The following FNTA variants were observed in gnomAD, a reference collection of about 807,000 sequenced individuals.
FNTA encodes the protein protein farnesyltransferase/geranylgeranyltransferase type-1 subunit alpha.
FNTA carries 27 observed loss-of-function variants against 55.2 expected under a neutral mutation model. The observed-to-expected ratio is 0.49, with a 90% CI of 0.36 to 0.67. FNTA has a LOEUF of 0.67. FNTA is among the 30% of genes least tolerant of loss of function. FNTA has a pLI of 0.00. For missense variants in FNTA, 422 were observed against 464.7 expected, an observed-to-expected ratio of 0.91 and a Z score of 0.85; for synonymous variants, 176 against 170.7, an observed-to-expected ratio of 1.03 and a Z score of -0.24.
intron 2 of FNTA, among the ~76,000 whole-genome samples, chr8:43,062,973 G>A (rs1002785408): frequency 3.9e-5 from 6 of 152,066 alleles, no homozygotes; most frequent in Non-Finnish European, 5.9e-5. Context: ...TTCAGAGACA[G>A]GCTCTCACTA....
In FNTA at chr8:43,056,491, T is replaced by A. The variant is rs1810403110; in HGVS notation, c.145T>A (p.Ser49Thr). 1 of 1,572,100 alleles carries A rather than the reference T, an allele frequency of 6.4e-7. No homozygotes were observed. The highest frequency in any genetic ancestry group is 1.4e-5 in the African/African-American group (1 of 71,146). The change falls in exon 1 of 9, where the codon TCC (serine) becomes ACC (threonine). Residue 49 changes from serine to threonine, a missense_variant. Coordinates refer to ENST00000302279, the MANE Select transcript of FNTA (RefSeq NM_002027.3). Reference protein sequence around the residue: ...MAAEAGEAVASPMDDGFVSLD... With the variant: ...MAAEAGEAVATPMDDGFVSLD... ...GGCCGAGGCTGGGGAAGCCGTGGCG[T>A]CCCCCATGGACGACGGGTTTGTGAG...
intron 1 of FNTA, among the ~76,000 whole-genome samples, chr8:43,057,740 C>T (rs1376389314): frequency 6.6e-6 from 1 of 152,082 alleles, no homozygotes; most frequent in Admixed American, 6.6e-5. Context: ...GGCGGATCAC[C>T]TGAGGTCAGG....
chr8:43,084,217 C>CTTTTTTTTTT (rs965185730), intron 7 of FNTA, among the ~76,000 whole-genome samples: 47 of 131,536 alleles, frequency 3.6e-4, no homozygotes, highest in South Asian at 2.4e-3. Flanking sequence ...TGTAATTATC[C>CTTTTTTTTTT]TTTTTTTTTT....
rs1195379179 is a variant in FNTA, at chr8:43,064,143, A to T, written c.329A>T (p.Asp110Val). ...TACTTCCGAGCTGTCCTGCAGCGTG[A>T]TGAAAGAAGTGAACGAGCTTTTAAG... ...YDYFRAVLQR[D>V]ERSERAFKLT... The change falls in exon 3 of 9, where the codon GAT becomes GTT. Residue 110 changes from aspartate (D) to valine (V), a missense_variant. By Grantham distance (152) the Asp-to-Val change is radical. This residue lies in a region of FNTA where 262 missense variants were observed against 343.1 expected (regional missense o/e 0.76). Transcript: ENST00000302279. 6.2e-7 allele frequency: 1 copy of T among 1,613,972 alleles called. No individual in the cohort carries two copies. The highest frequency in any genetic ancestry group is 1.7e-5 in the Admixed American group (1 of 60,004).
rs771907466 is a variant in FNTA at position 43,077,309 on chromosome 8, G to A, written c.727G>A (p.Val243Ile). The change falls in exon 6 of 9, where the codon GTT becomes ATT. Residue 243 changes from valine to isoleucine, a missense_variant. Val to Ile is a conservative substitution (Grantham distance 29). This residue lies in a region of FNTA where 262 missense variants were observed against 343.1 expected (regional missense o/e 0.76). Transcript: ENST00000302279. ...CTCTGTCTGGAACCAAAGATACTTC[G>A]TTATTTCTAACACCACTGGCTACAA... is the stretch of plus-strand genomic sequence containing the variant. Reference protein sequence around the residue: ...NNSVWNQRYFVISNTTGYNDR... With the variant: ...NNSVWNQRYFIISNTTGYNDR... The A allele has an allele frequency of 1.4e-5, 23 of 1,613,090 alleles. No individual in the cohort carries two copies. The highest frequency in any genetic ancestry group is 1.1e-4 in the African/African-American group (8 of 74,922).
intron 2 of FNTA, among the ~76,000 whole-genome samples, chr8:43,063,477 G>A (rs79310849): frequency 6.6e-6 from 1 of 152,068 alleles, no homozygotes; most frequent in Non-Finnish European, 1.5e-5. Flanking sequence ...ATGATTTGTT[G>A]TAGAAGTATT....
chr8:43,082,909 G>A (rs2130574499), intron 6 of FNTA: 1 of 325,324 alleles, frequency 3.1e-6, no homozygotes, highest in South Asian at 3.9e-5. Context: ...AGCTGGGTGT[G>A]GTGGTGGGCG....
At chr8:43,069,510 C>A in intron 3 of FNTA, 45 bp from the exon 4 acceptor site, 1 of 1,219,138 alleles carries the variant, frequency 8.2e-7, no homozygotes, top group South Asian at 1.2e-5. Flanking sequence ...TATTAGGGAA[C>A]TTCTGTGTAA....
At chr8:43,058,919 G>A (rs1810471834) in intron 1 of FNTA, 173 bp from the exon 2 acceptor site, 1 of 474,904 alleles carries the variant, frequency 2.1e-6, no homozygotes, top group African/African-American at 2.0e-5. Flanking sequence ...ATAGTTTAAT[G>A]TGTAAAACAT....
chr8:43,073,546 C>G (rs1180258832), intron 5 of FNTA: 1 of 152,122 alleles, frequency 6.6e-6, no homozygotes, highest in African/African-American at 2.4e-5. Flanking sequence ...TGTGCTGACC[C>G]CTGCAATTTC....
chr8:43,057,982 A>G (rs577732419), intron 1 of FNTA, among the ~76,000 whole-genome samples: 1 of 151,654 alleles, frequency 6.6e-6, no homozygotes, highest in South Asian at 2.1e-4. Flanking sequence ...AAGTGAAAGG[A>G]AAAGAATATA....
At chr8:43,061,394 C>T (rs1810525993) in intron 2 of FNTA, among the ~76,000 whole-genome samples, 1 of 152,136 alleles carries the variant, frequency 6.6e-6, no homozygotes, top group South Asian at 2.1e-4. Flanking sequence ...GCCTCTGTTT[C>T]CACCTGTGTA....
intron 4 of FNTA, among the ~76,000 whole-genome samples, chr8:43,071,734 A>G (rs906271932): frequency 2.2e-4 from 33 of 152,024 alleles, no homozygotes; most frequent in African/African-American, 3.9e-4. Flanking sequence ...TCTGTTGACA[A>G]CTTGCAACTT....
intron 5 of FNTA, among the ~76,000 whole-genome samples, chr8:43,072,654 G>A (rs1402710685): frequency 6.6e-6 from 1 of 152,062 alleles, no homozygotes; most frequent in African/African-American, 2.4e-5. Flanking sequence ...TTGAGCCCAA[G>A]AATTTGAGGT....
chr8:43,072,669 G>A (rs980632588), intron 5 of FNTA, among the ~76,000 whole-genome samples: 2 of 152,088 alleles, frequency 1.3e-5, no homozygotes, highest in African/African-American at 4.8e-5. Flanking sequence ...TGAGGTTGCA[G>A]TGAACTATGA....
intron 7 of FNTA, 109 bp downstream of exon 7, chr8:43,083,289 A>AT (rs1811061094): frequency 1.5e-6 from 1 of 659,934 alleles, no homozygotes; most frequent in Non-Finnish European, 2.5e-6. Context: ...ATAATTTTTC[A>AT]TTTTTCTGAA....
chr8:43,085,096 C>A, intron 8 of FNTA, 64 bp from the exon 9 acceptor site: 1 of 1,363,828 alleles, frequency 7.3e-7, no homozygotes, highest in Non-Finnish European at 1.0e-6. Context: ...ATTGTATTGG[C>A]TCAAAGGCAT....
intron 6 of FNTA, chr8:43,082,419 C>T (rs1811044142): frequency 6.6e-6 from 1 of 152,176 alleles, no homozygotes; most frequent in African/African-American, 2.4e-5. Flanking sequence ...TCTCCTATTT[C>T]AGTGACTAGG....
At chr8:43,075,887 T>TTC in intron 5 of FNTA, among the ~76,000 whole-genome samples, 1 of 151,648 alleles carries the variant, frequency 6.6e-6, no homozygotes, top group East Asian at 1.9e-4. Context: ...TTCTTTTTTT[T>TTC]TTTTGGGACA....
Sources: allele counts gnomAD v4.1 joint callset (sites outside exome capture counted in the v4.1 genomes callset), GRCh38; gene constraint gnomAD v4.1.1; regional missense constraint gnomAD v4.1.1; transcripts MANE v1.5; gene names NCBI Gene and HGNC (gene_info 2026-07-23, HGNC 2026-07-21).